Variants in PRDM1 observed in about 807,000 individuals in gnomAD.
The protein encoded by PRDM1 is PR/SET domain 1, also known as PR domain zinc finger protein 1.
Under a neutral mutation model 62.8 loss-of-function variants are expected in PRDM1, and 13 were observed. The ratio of observed to expected loss-of-function variants is 0.21; its 90% CI spans 0.13 to 0.33. The LOEUF (loss-of-function observed/expected upper bound fraction) is 0.33, where lower values mean the gene tolerates loss of function less well. Ranked by LOEUF, PRDM1 falls within the 10% of genes least tolerant of loss-of-function variation. The pLI is 1.00. For missense variants in PRDM1, 895 were observed against 1,058.8 expected (o/e 0.85, Z 2.15); for synonymous variants, 396 against 417.6 (o/e 0.95, Z 0.63).
intron 1 of PRDM1, among the ~76,000 whole-genome samples, chr6:106,076,190 A>T (rs1239121791): frequency 6.6e-6 from 1 of 152,080 alleles, no homozygotes; most frequent in Non-Finnish European, 1.5e-5. Context: ...GACTCAAGGG[A>T]TCCTCCCACC....
intron 1 of PRDM1, among the ~76,000 whole-genome samples, chr6:106,022,195 G>A (rs6938089): frequency 0.24 from 36,374 of 152,152 alleles, 5,022 homozygotes; most frequent in Non-Finnish European, 0.32. Context: ...AAATCTTCTA[G>A]ATAATTGGGC....
At chr6:106,085,239 G>A (rs1364161073), upstream of PRDM1, among the ~76,000 whole-genome samples, 2 of 152,064 alleles carry the variant, frequency 1.3e-5, no homozygotes, top group Non-Finnish European at 2.9e-5. Flanking sequence ...TATTTAAAAT[G>A]TTAGAAAAGA....
intron 2 of PRDM1, among the ~76,000 whole-genome samples, chr6:106,094,384 T>C (rs1446334561): frequency 2.0e-5 from 3 of 152,234 alleles, no homozygotes; most frequent in African/African-American, 7.2e-5. Flanking sequence ...TGTAAAGGAC[T>C]ACTCACAGAG....
intron 1 of PRDM1, among the ~76,000 whole-genome samples, chr6:106,060,601 G>A (rs1773331048): frequency 6.6e-6 from 1 of 152,146 alleles, no homozygotes; most frequent in Non-Finnish European, 1.5e-5. Context: ...GATAAGGGAA[G>A]TGAGAACAAG....
chr6:106,044,222 C>T (rs1388685590), upstream of PRDM1, among the ~76,000 whole-genome samples: 1 of 141,244 alleles, frequency 7.1e-6, no homozygotes, highest in Non-Finnish European at 1.5e-5. Flanking sequence ...TGTTCCTGCT[C>T]ATGACTAAAT....
At chr6:106,024,636 A>T (rs931622714) in intron 1 of PRDM1, among the ~76,000 whole-genome samples, 1 of 152,216 alleles carries the variant, frequency 6.6e-6, no homozygotes, top group Admixed American at 6.5e-5. Flanking sequence ...CACATAAGAC[A>T]GTGTGGAGCT....
rs186406486 is a variant in PRDM1 at position 106,090,140 on chromosome 6, T to C, written c.291+1691T>C. Reference sequence around the variant, plus strand: ...CCGGGGACTTGAAGCAAAGCTTTTCTGACTTCTCCAATGAGTGCTTCTCGA... The same window carrying C: ...CCGGGGACTTGAAGCAAAGCTTTTCCGACTTCTCCAATGAGTGCTTCTCGA... On this transcript the variant is annotated intron_variant, in intron 2 of 6. Transcript: ENST00000369096. Among the ~76,000 whole-genome samples the C allele has an allele frequency of 3.7e-4, 56 of 152,340 alleles. 2 individuals are homozygous for C. The highest frequency in any genetic ancestry group is 3.1e-3 in the Admixed American group (48 of 15,302).
chr6:106,073,578 T>C (rs1479906665), intron 1 of PRDM1, among the ~76,000 whole-genome samples: 1 of 152,262 alleles, frequency 6.6e-6, no homozygotes, highest in Non-Finnish European at 1.5e-5. Flanking sequence ...TTTATTGCTT[T>C]GCCTAGGTAA....
intron 1 of PRDM1, among the ~76,000 whole-genome samples, chr6:106,022,621 C>T (rs1772708399): frequency 6.6e-6 from 1 of 152,040 alleles, no homozygotes; most frequent in African/African-American, 2.4e-5. Flanking sequence ...GAGGGGGTTT[C>T]ACCATGTTGG....
rs146578168 is a variant in PRDM1 at position 106,091,683 on chromosome 6, G to A, written c.291+3234G>A. ...TAATCCCAGCTACCTGAGAGGCTGA[G>A]GTAGGAGAATCGCTTGAACCTGGGA... On this transcript the variant is annotated intron_variant, in intron 2 of 6. Transcript: ENST00000369096. 8.8e-4 allele frequency among the ~76,000 whole-genome samples: 134 copies of A among 152,312 alleles called. 1 individual carries two copies. The highest frequency in any genetic ancestry group is 3.0e-3 in the African/African-American group (125 of 41,570).
At chr6:106,033,648 C>CTAG in intron 1 of PRDM1, among the ~76,000 whole-genome samples, 1 of 152,108 alleles carries the variant, frequency 6.6e-6, no homozygotes, top group East Asian at 1.9e-4. Flanking sequence ...AATTCATTTG[C>CTAG]TAGTATATAG....
upstream of PRDM1, among the ~76,000 whole-genome samples, chr6:106,048,382 C>CA (rs145671116): frequency 0.045 from 6,589 of 147,824 alleles, 158 homozygotes; most frequent in Non-Finnish European, 0.06. Flanking sequence ...GACAGTGTCT[C>CA]AAAAAAAAAA....
chr6:106,013,330 CTTT>C (rs66943648), intron 1 of PRDM1, among the ~76,000 whole-genome samples: 3 of 140,088 alleles, frequency 2.1e-5, no homozygotes, highest in Non-Finnish European at 1.5e-5. Context: ...TTGAACTTTT[CTTT>C]TTTTTTTTTT....
At chr6:106,059,129 T>G (rs972952126) in intron 1 of PRDM1, among the ~76,000 whole-genome samples, 1 of 152,022 alleles carries the variant, frequency 6.6e-6, no homozygotes, top group Non-Finnish European at 1.5e-5. Flanking sequence ...GTAACCCCAA[T>G]AGGGGTTACA....
intron 1 of PRDM1, among the ~76,000 whole-genome samples, chr6:106,071,597 A>G (rs1773521986): frequency 6.6e-6 from 1 of 152,130 alleles, no homozygotes; most frequent in Non-Finnish European, 1.5e-5. Context: ...TAGGGGCACA[A>G]TTTGTGTGGC....
Position 106,105,264 on chromosome 6 carries a change from A to G in PRDM1, c.1104A>G (p.Gln368=). The change falls in exon 5 of 7, where the codon CAA becomes CAG. Residue 368 remains glutamine (Q), a synonymous_variant. Transcript: ENST00000369096. ...NTVSPVGPGS[Q]EHRDSYAYLN... is the part of the protein sequence containing the mutation. ...TGTCCCCTGTGGGCCCCGGCTCTCAAGAGCACCGGGACTCCTACGCTTACT... is the reference window on the plus strand; with the variant it reads ...TGTCCCCTGTGGGCCCCGGCTCTCAGGAGCACCGGGACTCCTACGCTTACT... 1 of 1,613,862 alleles carries G rather than the reference A, an allele frequency of 6.2e-7. No individual in the cohort carries two copies. The highest frequency in any genetic ancestry group is 8.5e-7 in the Non-Finnish European group (1 of 1,179,982).
rs150354888 is a variant in PRDM1 at position 106,008,244 on chromosome 6, G to A, written c.-67+14605G>A. Among the ~76,000 whole-genome samples, 1,046 of 152,144 alleles carry A rather than the reference G, an allele frequency of 6.9e-3. 15 individuals carry two copies. The highest frequency in any genetic ancestry group is 0.024 in the African/African-American group (1,006 of 41,482). ...AAATATTAGCTGGGCGTGGTGGCGC[G>A]CGCCTGTAGTCCCAGCTACTCTGGA... On this transcript the variant is annotated intron_variant, in intron 1 of 6. Coordinates refer to the PRDM1 transcript ENST00000652320.
At chr6:106,008,143 T>G (rs1283862471) in intron 1 of PRDM1, among the ~76,000 whole-genome samples, 3 of 152,018 alleles carry the variant, frequency 2.0e-5, no homozygotes, top group Non-Finnish European at 4.4e-5. Context: ...GAGGCTGAGG[T>G]GGGTGGATCA....
At chr6:105,995,680 A>G (rs963902792) in intron 1 of PRDM1, among the ~76,000 whole-genome samples, 1 of 152,072 alleles carries the variant, frequency 6.6e-6, no homozygotes, top group Non-Finnish European at 1.5e-5. Flanking sequence ...GAGGAAAATT[A>G]TTTAGTTATT....
Sources: allele counts gnomAD v4.1 joint callset (sites outside exome capture counted in the v4.1 genomes callset), GRCh38; gene constraint gnomAD v4.1.1; transcripts MANE v1.5; gene names NCBI Gene and HGNC (gene_info 2026-07-23, HGNC 2026-07-21).